CSMD3: variants seen among roughly 807,000 people sequenced by gnomAD.
The protein encoded by CSMD3 is CUB and Sushi multiple domains 3, also known as CUB and sushi domain-containing protein 3.
A neutral mutation model predicts 435.2 loss-of-function variants in CSMD3; 177 were observed. The ratio of observed to expected loss-of-function variants is 0.41; its 90% CI spans 0.36 to 0.46. The LOEUF is 0.46. Ranked by LOEUF, CSMD3 falls within the 20% of genes least tolerant of loss-of-function variation. The pLI, the probability that CSMD3 is intolerant of heterozygous loss-of-function variation, is 0.34. For missense variants in CSMD3, 4,265 were observed against 4,504.6 expected, an observed-to-expected ratio of 0.95 and a Z score of 1.52; for synonymous variants, 1,656 against 1,520.5, an observed-to-expected ratio of 1.09 and a Z score of -2.07.
intron 66 of CSMD3, among the ~76,000 whole-genome samples, chr8:112,240,525 T>C (rs1188038408): frequency 6.6e-6 from 1 of 152,120 alleles, no homozygotes; most frequent in Non-Finnish European, 1.5e-5. Context: ...TCCACTTTTA[T>C]AGCATGTACA....
intron 3 of CSMD3, among the ~76,000 whole-genome samples, chr8:113,252,412 A>C (rs1291880930): frequency 6.6e-6 from 1 of 152,112 alleles, no homozygotes; most frequent in African/African-American, 2.4e-5. Flanking sequence ...AAAAAATGCT[A>C]TATGAATGTC....
At chr8:113,094,923 T>G (rs1019066292) in intron 5 of CSMD3, among the ~76,000 whole-genome samples, 2 of 151,792 alleles carry the variant, frequency 1.3e-5, no homozygotes, top group African/African-American at 2.4e-5. Flanking sequence ...TACAAAAAAT[T>G]AGCCAGATGT....
intron 22 of CSMD3, among the ~76,000 whole-genome samples, chr8:112,614,426 T>G (rs547954085): frequency 6.6e-6 from 1 of 152,192 alleles, no homozygotes; most frequent in East Asian, 1.9e-4. Flanking sequence ...AACCAAAGCC[T>G]TTGTAATGAC....
At chr8:112,296,366 A>G (rs1820272978) in intron 53 of CSMD3, among the ~76,000 whole-genome samples, 1 of 152,052 alleles carries the variant, frequency 6.6e-6, no homozygotes, top group Admixed American at 6.6e-5. Flanking sequence ...CCTGGCTAAC[A>G]CGATGAAACC....
rs554570325 is a variant in CSMD3, at chr8:112,841,599, C to T, written c.1756-11810G>A. 6.0e-4 allele frequency among the ~76,000 whole-genome samples: 91 copies of T among 151,724 alleles called. 1 individual carries two copies. The highest frequency in any genetic ancestry group is 1.6e-3 in the African/African-American group (68 of 41,428). ...TCTTTCTAAAAAATCGATTGCAATC[C>T]CAGGTTCTACACTGTAAAACTGTAG... On this transcript the variant is annotated intron_variant, in intron 11 of 70. Coordinates refer to ENST00000297405, the MANE Select transcript of CSMD3 (RefSeq NM_198123.2).
At chr8:112,808,898 TACA>T (rs2079156021) in intron 12 of CSMD3, among the ~76,000 whole-genome samples, 1 of 152,128 alleles carries the variant, frequency 6.6e-6, no homozygotes, top group Admixed American at 6.6e-5. Flanking sequence ...CTCGCTCGGT[TACA>T]ACATTATTAT....
At chr8:112,524,895 AT>A (rs1361117360) in intron 27 of CSMD3, among the ~76,000 whole-genome samples, 1 of 152,000 alleles carries the variant, frequency 6.6e-6, no homozygotes, top group Non-Finnish European at 1.5e-5. Context: ...TCATTCTTTA[AT>A]TGGTTTCTTA....
At position 112,907,511 on chromosome 8, in the gene CSMD3, T is replaced by G. The variant is rs772440687; in HGVS notation, c.1633+14116A>C. Among the ~76,000 whole-genome samples the G allele has an allele frequency of 6.3e-4, 95 of 151,496 alleles. 1 individual carries two copies. Among genetic ancestry groups the G allele is most frequent in the Non-Finnish European group, 8.4e-4 (57 of 67,624 alleles). ...TCATCTATAAAATTATAGCATTAATTACTTGTAGTCAGTACAATTACTACT... is the reference window on the plus strand; with the variant it reads ...TCATCTATAAAATTATAGCATTAATGACTTGTAGTCAGTACAATTACTACT... On this transcript the variant is annotated intron_variant, in intron 10 of 70. Coordinates refer to ENST00000297405, the MANE Select transcript of CSMD3 (RefSeq NM_198123.2).
chr8:113,158,755 T>C (rs770001088), intron 4 of CSMD3, among the ~76,000 whole-genome samples: 11 of 152,124 alleles, frequency 7.2e-5, no homozygotes, highest in Non-Finnish European at 8.8e-5. Flanking sequence ...TGTATATGTG[T>C]ATATATACAG....
At position 112,839,418 on chromosome 8, in the gene CSMD3, C is replaced by A. The variant is rs1277571552; in HGVS notation, c.1756-9629G>T. Among the ~76,000 whole-genome samples the A allele has an allele frequency of 2.6e-5, 4 of 151,842 alleles. No homozygotes were observed. The East Asian group carries it at 7.7e-4, about 29-fold the overall frequency. On this transcript the variant is annotated intron_variant, in intron 11 of 70. Transcript: ENST00000297405. ...ATATTAAATCCATAGCACCACAGTA[C>A]AAAACCATTGGTTCCTTTCCATCAT...
At position 112,921,710 on chromosome 8, in the gene CSMD3, A is replaced by G; in HGVS notation, c.1550T>C (p.Val517Ala). The change falls in exon 10 of 71, where the codon GTC (valine) becomes GCC (alanine). Residue 517 changes from valine (V) to alanine (A), a missense_variant. Around this residue, in one of 3 missense-constraint regions of CSMD3, gnomAD observed 731 missense variants for 755.4 expected, o/e 0.97. Coordinates refer to ENST00000297405, the MANE Select transcript of CSMD3 (RefSeq NM_198123.2). ...GGTGATGCTCTTTGCGCCCTGTAGG[A>G]CATAATCTTCATCACAAGAGAACTG... ...TVQFSCDEDY[V>A]LQGAKSITCQ... 2.5e-6 allele frequency: 4 copies of G among 1,610,812 alleles called. No homozygotes were observed. Among genetic ancestry groups the G allele is most frequent in the Non-Finnish European group, 3.4e-6 (4 of 1,177,216 alleles).
chr8:112,329,582 T>G (rs1006504551), intron 45 of CSMD3, among the ~76,000 whole-genome samples: 2 of 152,128 alleles, frequency 1.3e-5, no homozygotes, highest in African/African-American at 2.4e-5. Flanking sequence ...GACACACTTT[T>G]GCTGAGATCA....
intron 2 of CSMD3, among the ~76,000 whole-genome samples, chr8:113,308,946 T>C: frequency 6.6e-6 from 1 of 151,986 alleles, no homozygotes; most frequent in African/African-American, 2.4e-5. Flanking sequence ...TGTTTTTTTG[T>C]TTTCTTTTGT....
At chr8:112,767,012 G>A (rs897402516) in intron 13 of CSMD3, among the ~76,000 whole-genome samples, 1 of 151,838 alleles carries the variant, frequency 6.6e-6, no homozygotes, top group East Asian at 1.9e-4. Context: ...CTATGCATCA[G>A]GGTTTAGCTT....
chr8:112,522,276 A>G (rs966661260), intron 27 of CSMD3, among the ~76,000 whole-genome samples: 1 of 151,914 alleles, frequency 6.6e-6, no homozygotes, highest in African/African-American at 2.4e-5. Context: ...ACGTAGAAGA[A>G]ACAATTTTTC....
intron 56 of CSMD3, among the ~76,000 whole-genome samples, chr8:112,290,801 T>C (rs964156934): frequency 6.6e-6 from 1 of 152,036 alleles, no homozygotes; most frequent in Non-Finnish European, 1.5e-5. Flanking sequence ...CACCAACTGT[T>C]TGAGATCTAG....
chr8:112,838,723 A>T (rs892100617), intron 11 of CSMD3, among the ~76,000 whole-genome samples: 1 of 151,740 alleles, frequency 6.6e-6, no homozygotes, highest in Non-Finnish European at 1.5e-5. Context: ...TATAATTCAG[A>T]ATAATTCTAA....
Position 113,048,084 on chromosome 8 carries a change from T to C in CSMD3, c.918-28905A>G, listed in dbSNP as rs1054923821. ...AGATAGTTTGATGTAACTTCAATTCTTTTTTTTTTTTTTTTTTTTTGAGAC... is the reference window on the plus strand; with the variant it reads ...AGATAGTTTGATGTAACTTCAATTCCTTTTTTTTTTTTTTTTTTTTGAGAC... On this transcript the variant is annotated intron_variant, in intron 5 of 70. Transcript: ENST00000297405. 0.025 allele frequency among the ~76,000 whole-genome samples: 488 copies of C among 19,458 alleles called. 3 individuals are homozygous for C. In the African/African-American group the frequency reaches 0.25, roughly 10 times the overall value. The allele number at this position is 19,458 out of a possible 152,430, so 12.8% of individuals were successfully genotyped here. A position where few individuals can be genotyped will look rare whatever the true frequency, so the allele number is the denominator to read the frequency against.
intron 32 of CSMD3, among the ~76,000 whole-genome samples, chr8:112,463,420 A>C (rs1355976758): frequency 2.0e-5 from 3 of 152,198 alleles, no homozygotes; most frequent in Non-Finnish European, 4.4e-5. Context: ...CAATGAATGC[A>C]ATGAGGAAGA....
Sources: gnomAD v4.1 joint callset for allele counts (sites outside exome capture counted in the v4.1 genomes callset) on GRCh38, gnomAD v4.1.1 for gene constraint, gnomAD v4.1.1 regional missense constraint, MANE v1.5 for transcripts, NCBI Gene and HGNC (gene_info 2026-07-23, HGNC 2026-07-21) for gene names.